ZNF613: variants seen among roughly 807,000 people sequenced by gnomAD.
The protein encoded by ZNF613 is zinc finger protein 613.
ZNF613 carries 8 observed loss-of-function variants against 14.3 expected under a neutral mutation model. The ratio of observed to expected loss-of-function variants is 0.56; its 90% CI spans 0.33 to 1.01. ZNF613 has a LOEUF of 1.01. Ranked by LOEUF, ZNF613 falls within the 50% of genes least tolerant of loss-of-function variation. The pLI, the probability that ZNF613 is intolerant of heterozygous loss-of-function variation, is 0.03. For synonymous variants in ZNF613, 228 were observed against 254.5 expected (o/e 0.90, Z 0.99); for missense variants, 656 against 741.9 (o/e 0.88, Z 1.35).
In ZNF613 at chr19:51,945,287, G is replaced by T; in HGVS notation, c.1404G>T (p.Lys468Asn). 1 of 1,613,874 alleles carries T rather than the reference G, an allele frequency of 6.2e-7. No homozygotes were observed. Among genetic ancestry groups the T allele is most frequent in the Non-Finnish European group, 8.5e-7 (1 of 1,179,982 alleles). The change falls in exon 6 of 6, where the codon AAG (lysine) becomes AAT (asparagine). Residue 468 changes from lysine to asparagine, a missense_variant. Transcript: ENST00000293471. The stretch of plus-strand genomic sequence containing the variant: ...AGTGTGGAAAATCCTGCTCACACAA[G>T]TCAGGTCTCATTAACCACCAGAGAA... ...CTECGKSCSHKSGLINHQRIH... is the reference protein window; with the variant it reads ...CTECGKSCSHNSGLINHQRIH...
At chr19:51,935,806 C>G (rs1032588888) in intron 2 of ZNF613, among the ~76,000 whole-genome samples, 1 of 152,210 alleles carries the variant, frequency 6.6e-6, no homozygotes, top group African/African-American at 2.4e-5. Flanking sequence ...ACCTCACTTA[C>G]ATTTCACAGA....
chr19:51,932,639 A>G (rs1477880155), intron 2 of ZNF613, among the ~76,000 whole-genome samples: 1 of 151,692 alleles, frequency 6.6e-6, no homozygotes, highest in Non-Finnish European at 1.5e-5. Flanking sequence ...GGTATTTTAT[A>G]TAAATGAAAT....
chr19:51,934,482 T>C (rs1233396736), intron 2 of ZNF613, among the ~76,000 whole-genome samples: 1 of 152,216 alleles, frequency 6.6e-6, no homozygotes, highest in East Asian at 1.9e-4. Context: ...AATGTGTACA[T>C]ATTGAAAAAT....
chr19:51,941,639 C>T (rs2085351371), intron 5 of ZNF613, among the ~76,000 whole-genome samples: 2 of 152,106 alleles, frequency 1.3e-5, no homozygotes, highest in South Asian at 4.1e-4. Context: ...TTAAAAGTTT[C>T]CTTCATTCTA....
In ZNF613 at chr19:51,945,416, G is replaced by A. The variant is rs11880193; in HGVS notation, c.1533G>A (p.Pro511=). 26 of 1,613,890 alleles carry A rather than the reference G, an allele frequency of 1.6e-5. No homozygotes were observed. Among genetic ancestry groups the A allele is most frequent in the South Asian group, 1.4e-4 (13 of 91,092 alleles). ...GGAGAACTCATACAGGGGAGAGACCGTATGGATGCTCTGATTGTGGGAAAG... is the reference window on the plus strand; with the variant it reads ...GGAGAACTCATACAGGGGAGAGACCATATGGATGCTCTGATTGTGGGAAAG... ...RHRRTHTGER[P]YGCSDCGKAF... The change falls in exon 6 of 6, where the codon CCG becomes CCA. Residue 511 remains proline (P), a synonymous_variant. Coordinates refer to ENST00000293471, the MANE Select transcript of ZNF613 (RefSeq NM_001031721.4).
intron 2 of ZNF613, among the ~76,000 whole-genome samples, chr19:51,933,605 A>G (rs1019930884): frequency 6.6e-6 from 1 of 151,842 alleles, no homozygotes; most frequent in Non-Finnish European, 1.5e-5. Context: ...CACTGCACTC[A>G]GCTAAACAAA....
intron 2 of ZNF613, among the ~76,000 whole-genome samples, chr19:51,931,035 A>G (rs896326285): frequency 3.3e-5 from 5 of 152,158 alleles, no homozygotes; most frequent in Admixed American, 6.5e-5. Flanking sequence ...TTTTTCATGT[A>G]CTTATGATAT....
intron 4 of ZNF613, 82 bp downstream of exon 4, chr19:51,940,417 C>G: frequency 6.2e-7 from 1 of 1,606,082 alleles, no homozygotes; most frequent in Non-Finnish European, 8.5e-7. Context: ...CTCTGGAGGG[C>G]CTGTGGTGCT....
At chr19:51,936,377 A>T in intron 3 of ZNF613, 142 bp downstream of exon 3, 1 of 801,020 alleles carries the variant, frequency 1.2e-6, no homozygotes, top group Non-Finnish European at 1.9e-6. Context: ...TAATTTCAAC[A>T]TCTAGGCAAA....
chr19:51,933,128 G>A lies in ZNF613; in HGVS notation c.-193-2900G>A, dbSNP rs144210528. On this transcript the variant is annotated intron_variant, in intron 2 of 5. Transcript: ENST00000293471. The stretch of plus-strand genomic sequence containing the variant: ...CCTGTAGACATCAGCCAGAAGGAAC[G>A]TTTTAGAGTCTTCTTAGGTCTTTTC... 1.5e-3 allele frequency among the ~76,000 whole-genome samples: 236 copies of A among 152,274 alleles called. 1 individual carries two copies. Among genetic ancestry groups the A allele is most frequent in the African/African-American group, 5.3e-3 (222 of 41,566 alleles).
At chr19:51,928,924 T>C (rs1040263160) in intron 1 of ZNF613, among the ~76,000 whole-genome samples, 2 of 150,978 alleles carry the variant, frequency 1.3e-5, no homozygotes, top group South Asian at 4.2e-4. Context: ...AATGATAAGG[T>C]TTCTATTAAA....
chr19:51,943,417 T>G (rs2085366053), intron 5 of ZNF613, among the ~76,000 whole-genome samples: 1 of 152,238 alleles, frequency 6.6e-6, no homozygotes, highest in Non-Finnish European at 1.5e-5. Context: ...AATCATTTTT[T>G]GTCCAGCATA....
intron 3 of ZNF613, among the ~76,000 whole-genome samples, chr19:51,939,336 G>T (rs6509600): frequency 0.25 from 38,139 of 151,060 alleles, 7,153 homozygotes; most frequent in African/African-American, 0.53. Context: ...TTTTATTTAT[G>T]TATTTATTTT....
Position 51,945,687 on chromosome 19 carries a change from C to T in ZNF613, c.1804C>T (p.Pro602Ser). The T allele has an allele frequency of 6.2e-7, 1 of 1,614,126 alleles. No homozygotes were observed. Among genetic ancestry groups the T allele is most frequent in the Non-Finnish European group, 8.5e-7 (1 of 1,180,014 alleles). The change falls in exon 6 of 6, where the codon CCT becomes TCT. Residue 602 changes from proline to serine, a missense_variant. Pro to Ser is a moderately conservative substitution (Grantham distance 74). Transcript: ENST00000293471. ...AESKVAIVSQPVARSSVSADS... is the reference protein window; with the variant it reads ...AESKVAIVSQSVARSSVSADS... ...GAGCAAAGTAGCCATTGTGAGCCAG[C>T]CTGTTGCCAGAAGTTCAGTCTCAGC...
chr19:51,940,995 A>G (rs2085344919), intron 5 of ZNF613, among the ~76,000 whole-genome samples: 2 of 151,874 alleles, frequency 1.3e-5, no homozygotes, highest in African/African-American at 2.4e-5. Flanking sequence ...CAGTGGTGCA[A>G]TCTTGGCTCA....
chr19:51,936,085 A>G lies in ZNF613; in HGVS notation c.-136A>G. The stretch of plus-strand genomic sequence containing the variant: ...TCAAGTGAGGTGAGGAGGAGGTTCC[A>G]GGACCTGGATACCATCCTTTGCAGG... On this transcript the variant is annotated 5_prime_UTR_variant, in exon 3 of 6. Coordinates refer to ENST00000293471, the MANE Select transcript of ZNF613 (RefSeq NM_001031721.4). The G allele has an allele frequency of 2.3e-6, 2 of 865,192 alleles. No homozygotes were observed. Among genetic ancestry groups the G allele is most frequent in the Non-Finnish European group, 3.5e-6 (2 of 571,594 alleles). 53.6% of individuals were successfully genotyped at this position (865,192 alleles called of 1,614,324 possible).
In ZNF613 at chr19:51,944,531, G is replaced by A. The variant is rs754069894; in HGVS notation, c.648G>A (p.Lys216=). 1.2e-6 allele frequency: 2 copies of A among 1,613,734 alleles called. No individual in the cohort carries two copies. Among genetic ancestry groups the A allele is most frequent in the Non-Finnish European group, 1.7e-6 (2 of 1,179,696 alleles). Residue 216 remains lysine (K), a synonymous_variant, in exon 6 of 6, where the codon AAG becomes AAA. Coordinates refer to ENST00000293471, the MANE Select transcript of ZNF613 (RefSeq NM_001031721.4). The part of the protein sequence containing the change: ...CTECGKAFLK[K]SRLIYHQRVH... ...AGTGTGGGAAGGCTTTCCTCAAGAA[G>A]TCTCGCCTCATCTATCATCAGAGAG...
Position 51,945,045 on chromosome 19 carries a change from A to G in ZNF613, c.1162A>G (p.Ile388Val). ...AGGCTTCATTCAGAAGGGAAATCTCATTGTACATCAGCGAATTCATACTGG... is the reference window on the plus strand; with the variant it reads ...AGGCTTCATTCAGAAGGGAAATCTCGTTGTACATCAGCGAATTCATACTGG... ...GKGFIQKGNL[I>V]VHQRIHTGEK... Residue 388 changes from isoleucine (I) to valine (V), a missense_variant, in exon 6 of 6, where the codon ATT becomes GTT. Coordinates refer to ENST00000293471, the MANE Select transcript of ZNF613 (RefSeq NM_001031721.4). 1 of 1,614,224 alleles carries G rather than the reference A, an allele frequency of 6.2e-7. No individual in the cohort carries two copies. The highest frequency in any genetic ancestry group is 8.5e-7 in the Non-Finnish European group (1 of 1,180,034).
rs777657780 is a variant in ZNF613, at chr19:51,945,420, G to A, written c.1537G>A (p.Gly513Arg). ...RRTHTGERPYGCSDCGKAFSH... is the reference protein window; with the variant it reads ...RRTHTGERPYRCSDCGKAFSH... ...AACTCATACAGGGGAGAGACCGTATGGATGCTCTGATTGTGGGAAAGCTTT... is the reference window on the plus strand; with the variant it reads ...AACTCATACAGGGGAGAGACCGTATAGATGCTCTGATTGTGGGAAAGCTTT... The change falls in exon 6 of 6, where the codon GGA becomes AGA. Residue 513 changes from glycine to arginine, a missense_variant. Coordinates refer to ENST00000293471, the MANE Select transcript of ZNF613 (RefSeq NM_001031721.4). 21 of 1,613,612 alleles carry A rather than the reference G, an allele frequency of 1.3e-5. No individual in the cohort carries two copies. In the East Asian group the frequency reaches 4.7e-4, roughly 36 times the overall value.
Sources: allele counts gnomAD v4.1 joint callset (sites outside exome capture counted in the v4.1 genomes callset), GRCh38; gene constraint gnomAD v4.1.1; transcripts MANE v1.5; gene names NCBI Gene and HGNC (gene_info 2026-07-23, HGNC 2026-07-21).